The following TRAF3 variants were observed in gnomAD, a reference collection of about 807,000 sequenced individuals.
TRAF3 encodes the protein TNF receptor associated factor 3, also known as TNF receptor-associated factor 3.
TRAF3 carries 13 observed loss-of-function variants against 62.3 expected under a neutral mutation model. The observed-to-expected ratio is 0.21, with a 90% CI of 0.14 to 0.33. TRAF3 has a LOEUF of 0.33. TRAF3 is among the 10% of genes least tolerant of loss of function. The probability of loss-of-function intolerance (pLI) is 1.00; values close to 1 mark genes in which losing one functional copy is unlikely to be tolerated. For missense variants in TRAF3, 440 were observed against 741.8 expected, an observed-to-expected ratio of 0.59 and a Z score of 4.73; for synonymous variants, 269 against 283.4, an observed-to-expected ratio of 0.95 and a Z score of 0.51.
intron 1 of TRAF3, among the ~76,000 whole-genome samples, chr14:102,795,616 G>GTGTGTGTGTGTA (rs1374495391): frequency 0.025 from 3,760 of 151,798 alleles, 157 homozygotes; most frequent in African/African-American, 0.087. Context: ...GTGTGTGTGT[G>GTGTGTGTGTGTA]TGTGCATAGT....
At chr14:102,814,443 A>G (rs1335294949) in intron 1 of TRAF3, among the ~76,000 whole-genome samples, 2 of 152,122 alleles carry the variant, frequency 1.3e-5, no homozygotes, top group Non-Finnish European at 2.9e-5. Context: ...TTTCATACAA[A>G]TTTTAGGATA....
Position 102,887,144 on chromosome 14 carries a change from A to G in TRAF3, c.651+875A>G, listed in dbSNP as rs1345162713. ...GTTGGGAAAATTTCAAGGATTCTTA[A>G]TGTTTCTGCATCTGTCCTGACGGGG... On this transcript the variant is annotated intron_variant, in intron 7 of 11. Coordinates refer to ENST00000392745, the MANE Select transcript of TRAF3 (RefSeq NM_145725.3). Among the ~76,000 whole-genome samples the G allele has an allele frequency of 2.6e-5, 4 of 152,302 alleles. No individual in the cohort carries two copies. The East Asian group carries it at 7.7e-4, about 29-fold the overall frequency.
chr14:102,778,367 C>T (rs1410779529), intron 1 of TRAF3, among the ~76,000 whole-genome samples: 1 of 152,056 alleles, frequency 6.6e-6, no homozygotes, highest in Non-Finnish European at 1.5e-5. Context: ...GTGGGGACTT[C>T]GGTCTAGTAT....
chr14:102,900,692 A>G (rs1271838566), intron 10 of TRAF3, among the ~76,000 whole-genome samples: 2 of 152,228 alleles, frequency 1.3e-5, no homozygotes, highest in Admixed American at 6.5e-5. Flanking sequence ...GGCTTCTCAC[A>G]GCGCCGGGCT....
chr14:102,842,346 G>A (rs1324595639), intron 2 of TRAF3, among the ~76,000 whole-genome samples: 1 of 149,530 alleles, frequency 6.7e-6, no homozygotes, highest in Non-Finnish European at 1.5e-5. Flanking sequence ...ACATGTATAT[G>A]TATATATAAT....
At position 102,853,710 on chromosome 14, in the gene TRAF3, C is replaced by T. The variant is rs550834506; in HGVS notation, c.-17-16475C>T. On this transcript the variant is annotated intron_variant, in intron 2 of 11. Coordinates refer to ENST00000392745, the MANE Select transcript of TRAF3 (RefSeq NM_145725.3). ...AAAATTAGCTGGGCATGGTGGCACA[C>T]TCCTGTAACCTCAGGCAATTGGGAG... 4.6e-5 allele frequency among the ~76,000 whole-genome samples: 7 copies of T among 152,040 alleles called. No homozygotes were observed. In the South Asian group the frequency reaches 8.3e-4, roughly 18 times the overall value.
intron 2 of TRAF3, among the ~76,000 whole-genome samples, chr14:102,869,198 A>G (rs1340730976): frequency 1.3e-5 from 2 of 152,228 alleles, no homozygotes; most frequent in African/African-American, 4.8e-5. Flanking sequence ...TGTGCACAGC[A>G]TGCTGGGTCA....
intron 6 of TRAF3, 76 bp from the exon 7 acceptor site, chr14:102,886,112 GC>G: frequency 6.8e-7 from 1 of 1,473,716 alleles, no homozygotes; most frequent in Non-Finnish European, 9.4e-7. Flanking sequence ...ATTCCTGGGG[GC>G]CCCATGGGGA....
chr14:102,875,612 T>C lies in TRAF3; in HGVS notation c.298-12T>C, dbSNP rs1888603054. The C allele has an allele frequency of 6.2e-7, 1 of 1,608,830 alleles. No individual in the cohort carries two copies. Among genetic ancestry groups the C allele is most frequent in the South Asian group, 1.1e-5 (1 of 90,976 alleles). ...ATATTAATCCTCCAAAATAATGATC[T>C]TTCATTTTCAGGTGTTTAAGGATAA... On this transcript the variant is annotated splice_polypyrimidine_tract_variant and intron_variant, in intron 4 of 11. Transcript: ENST00000392745.
intron 2 of TRAF3, among the ~76,000 whole-genome samples, chr14:102,865,470 A>G (rs1317516538): frequency 6.8e-6 from 1 of 147,926 alleles, no homozygotes; most frequent in Non-Finnish European, 1.5e-5. Context: ...TCCCTTTTTC[A>G]TCAGCATCAC....
intron 3 of TRAF3, 78 bp from the exon 4 acceptor site, chr14:102,871,839 T>C: frequency 7.1e-7 from 1 of 1,398,818 alleles, no homozygotes; most frequent in African/African-American, 1.4e-5. Context: ...GACCATAAAG[T>C]GAATGCTCCC....
chr14:102,830,222 T>A (rs1900592030), intron 1 of TRAF3, 112 bp from the exon 2 acceptor site: 1 of 152,240 alleles, frequency 6.6e-6, no homozygotes, highest in South Asian at 2.1e-4. Context: ...AGAATTTAAA[T>A]GTTGAGCTTG....
chr14:102,887,171 G>A (rs778574765), intron 7 of TRAF3, among the ~76,000 whole-genome samples: 2 of 152,244 alleles, frequency 1.3e-5, no homozygotes, highest in Non-Finnish European at 2.9e-5. Flanking sequence ...CTGACGGGGA[G>A]CTCCTTTAGT....
chr14:102,886,736 A>T (rs1184501730), intron 7 of TRAF3, among the ~76,000 whole-genome samples: 2 of 152,204 alleles, frequency 1.3e-5, no homozygotes, highest in Non-Finnish European at 2.9e-5. Flanking sequence ...AGCCTGGGCA[A>T]CAAGAGTTAA....
At chr14:102,792,392 G>C (rs948907113) in intron 1 of TRAF3, among the ~76,000 whole-genome samples, 1 of 151,162 alleles carries the variant, frequency 6.6e-6, no homozygotes, top group Admixed American at 6.6e-5. Flanking sequence ...CTCCCAGGTA[G>C]CTGGGATTAC....
At chr14:102,806,808 C>T (rs1240300222) in intron 1 of TRAF3, among the ~76,000 whole-genome samples, 1 of 152,108 alleles carries the variant, frequency 6.6e-6, no homozygotes, top group African/African-American at 2.4e-5. Flanking sequence ...TTGTCCCGGA[C>T]CTGCAGGACA....
At chr14:102,806,240 A>G (rs1252604984) in intron 1 of TRAF3, among the ~76,000 whole-genome samples, 1 of 151,834 alleles carries the variant, frequency 6.6e-6, no homozygotes. Flanking sequence ...CATTCACCAT[A>G]CTCTTCTTGA....
At chr14:102,786,684 T>A (rs1034749807) in intron 1 of TRAF3, among the ~76,000 whole-genome samples, 51 of 148,398 alleles carry the variant, frequency 3.4e-4, no homozygotes, top group African/African-American at 1.3e-3. Flanking sequence ...TAAAACTGTC[T>A]AAAAAAAAAA....
In TRAF3 at chr14:102,909,049, T is replaced by C. The variant is rs1340228287; in HGVS notation, c.*3265T>C. On this transcript the variant is annotated 3_prime_UTR_variant, in exon 12 of 12. Coordinates refer to ENST00000392745, the MANE Select transcript of TRAF3 (RefSeq NM_145725.3). ...GGGGCCAGGCTGGGAGTAGGGCCTT[T>C]CTAGCAGGGTTGGGTGGCTCAGTGA... is the stretch of plus-strand genomic sequence containing the variant. 1 of 152,576 alleles carries C rather than the reference T, an allele frequency of 6.6e-6. No homozygotes were observed. The highest frequency in any genetic ancestry group is 1.5e-5 in the Non-Finnish European group (1 of 68,320). 9.5% of individuals were successfully genotyped at this position (152,576 alleles called of 1,614,324 possible). A position where few individuals can be genotyped will look rare whatever the true frequency, so the allele number is the denominator to read the frequency against.
Sources: gnomAD v4.1 joint callset for allele counts (sites outside exome capture counted in the v4.1 genomes callset) on GRCh38, gnomAD v4.1.1 for gene constraint, MANE v1.5 for transcripts, NCBI Gene and HGNC (gene_info 2026-07-23, HGNC 2026-07-21) for gene names.